Variants in STPG2 observed in about 807,000 individuals in gnomAD.
The protein encoded by STPG2 is sperm-tail PG-rich repeat-containing protein 2.
In STPG2, 56 loss-of-function variants were observed where a neutral mutation model predicts 54.2. That is an observed-to-expected ratio of 1.03 (90% CI 0.83 to 1.29). The LOEUF (loss-of-function observed/expected upper bound fraction) is 1.29, where lower values mean the gene tolerates loss of function less well. Ranked by LOEUF, STPG2 falls within the 50% of genes most tolerant of loss-of-function variation. The pLI is 0.00. For missense variants in STPG2, 596 were observed against 544.9 expected (o/e 1.09, Z -0.93); for synonymous variants, 200 against 181.8 (o/e 1.10, Z -0.81).
At chr4:98,003,707 G>T (rs1735484804) in intron 5 of STPG2, among the ~76,000 whole-genome samples, 1 of 151,976 alleles carries the variant, frequency 6.6e-6, no homozygotes, top group African/African-American at 2.4e-5. Context: ...TCAAATGGTT[G>T]TATCAATTAT....
chr4:97,797,873 T>C (rs1727252692), intron 9 of STPG2, among the ~76,000 whole-genome samples: 1 of 152,196 alleles, frequency 6.6e-6, no homozygotes, highest in African/African-American at 2.4e-5. Context: ...GAGCCTGTTA[T>C]TGGTCTATTA....
chr4:97,839,234 G>C (rs535137043), intron 9 of STPG2, among the ~76,000 whole-genome samples: 1 of 151,622 alleles, frequency 6.6e-6, no homozygotes, highest in African/African-American at 2.4e-5. Context: ...TTAATCTTTT[G>C]TATTCTCATG....
intron 8 of STPG2, 109 bp from the exon 9 acceptor site, chr4:97,841,041 T>C: frequency 1.0e-6 from 1 of 1,001,826 alleles, no homozygotes; most frequent in Non-Finnish European, 1.4e-6. Flanking sequence ...ATCCTAATAC[T>C]TTTATTAATT....
chr4:98,041,956 C>T (rs1736973278), intron 5 of STPG2, among the ~76,000 whole-genome samples: 1 of 151,984 alleles, frequency 6.6e-6, no homozygotes, highest in African/African-American at 2.4e-5. Flanking sequence ...ATGAATCCAT[C>T]TGGTCCTAGG....
Position 97,527,537 on chromosome 4 carries a change from G to A in STPG2, c.462+185162C>T, listed in dbSNP as rs544872096. On this transcript the variant is annotated intron_variant, in intron 4 of 4. Coordinates refer to the STPG2 transcript ENST00000522676. ...CAGTAATGGGATTGCTGGGTCAAAT[G>A]GTATTTCTGGTTCTAGATTCTTGAG... Among the ~76,000 whole-genome samples the A allele has an allele frequency of 5.5e-3, 834 of 152,202 alleles. 7 individuals carry two copies. The highest frequency in any genetic ancestry group is 0.02 in the Middle Eastern group (6 of 294).
chr4:98,064,925 G>T (rs1309146672), intron 5 of STPG2, among the ~76,000 whole-genome samples: 2 of 151,802 alleles, frequency 1.3e-5, no homozygotes, highest in African/African-American at 4.8e-5. Flanking sequence ...TTAGATACAG[G>T]GTCTCACTCT....
chr4:97,947,042 T>C (rs1372934214), intron 7 of STPG2, among the ~76,000 whole-genome samples: 1 of 152,212 alleles, frequency 6.6e-6, no homozygotes, highest in Non-Finnish European at 1.5e-5. Context: ...TGTGTTTCCA[T>C]TTGTTTGTGT....
At chr4:98,024,847 C>A (rs1270610627) in intron 5 of STPG2, among the ~76,000 whole-genome samples, 1 of 152,152 alleles carries the variant, frequency 6.6e-6, no homozygotes, top group African/African-American at 2.4e-5. Context: ...AAACCCAATA[C>A]TGTTTTTAAA....
At chr4:98,117,966 C>T (rs1229790976) in intron 3 of STPG2, among the ~76,000 whole-genome samples, 1 of 151,982 alleles carries the variant, frequency 6.6e-6, no homozygotes, top group Admixed American at 6.6e-5. Flanking sequence ...GTATATGGGC[C>T]ATTTTTTTAT....
At position 97,900,827 on chromosome 4, in the gene STPG2, G is replaced by T. The variant is rs561331344; in HGVS notation, c.1044+43070C>A. On this transcript the variant is annotated intron_variant, in intron 8 of 10. Transcript: ENST00000295268. ...CAGAAAAGATAACTGTTGGGTATTG[G>T]ACTTAATGCCTGGGTAACGAAATAA... Among the ~76,000 whole-genome samples, 3 of 152,066 alleles carry T rather than the reference G, an allele frequency of 2.0e-5. 1 individual carries two copies. In the East Asian group the frequency reaches 5.8e-4, roughly 29 times the overall value.
At chr4:97,481,046 T>C (rs141682452) in intron 4 of STPG2, among the ~76,000 whole-genome samples, 312 of 151,666 alleles carry the variant, frequency 2.1e-3, no homozygotes, top group African/African-American at 7.4e-3. Flanking sequence ...CATTTATATC[T>C]CAGAGCTATT....
rs573154241 is a variant in STPG2, at chr4:97,684,999, T to G, written c.1320+27700A>C. ...CCAAAATTATATGCCATCAGGGAAT[T>G]GTAATTTTAAAACAATAATAAAATA... On this transcript the variant is annotated intron_variant, in intron 10 of 10. Coordinates refer to ENST00000295268, the MANE Select transcript of STPG2 (RefSeq NM_174952.3). 1.7e-3 allele frequency among the ~76,000 whole-genome samples: 255 copies of G among 152,150 alleles called. 4 individuals are homozygous for G. The highest frequency in any genetic ancestry group is 2.1e-4 in the Non-Finnish European group (14 of 67,926).
At chr4:97,673,374 T>A (rs1400766805) in intron 10 of STPG2, among the ~76,000 whole-genome samples, 1 of 152,210 alleles carries the variant, frequency 6.6e-6, no homozygotes, top group Non-Finnish European at 1.5e-5. Context: ...GTTTCAATTA[T>A]TACTGAAAAG....
intron 10 of STPG2, among the ~76,000 whole-genome samples, chr4:97,605,417 A>C (rs1733568808): frequency 6.6e-6 from 1 of 151,780 alleles, no homozygotes; most frequent in African/African-American, 2.4e-5. Context: ...AGGAAATATC[A>C]GAAGCCTAAA....
intron 5 of STPG2, among the ~76,000 whole-genome samples, chr4:98,090,714 T>C (rs933111941): frequency 6.6e-6 from 1 of 152,086 alleles, no homozygotes; most frequent in Admixed American, 6.5e-5. Flanking sequence ...CTTTTGTTTG[T>C]GTCATCTATT....
chr4:97,804,449 T>G (rs1004098072), intron 9 of STPG2, among the ~76,000 whole-genome samples: 1 of 152,104 alleles, frequency 6.6e-6, no homozygotes, highest in Non-Finnish European at 1.5e-5. Context: ...TTGAAACTTT[T>G]TTTTCTATTT....
At chr4:97,850,190 G>T (rs959903195) in intron 8 of STPG2, among the ~76,000 whole-genome samples, 18 of 138,860 alleles carry the variant, frequency 1.3e-4, no homozygotes, top group African/African-American at 4.9e-4. Flanking sequence ...CAAACACCGC[G>T]TATTCTCACT....
intron 8 of STPG2, among the ~76,000 whole-genome samples, chr4:97,908,246 C>CA (rs1290590687): frequency 6.6e-6 from 1 of 151,942 alleles, no homozygotes; most frequent in Non-Finnish European, 1.5e-5. Flanking sequence ...TTTATGCAGC[C>CA]AAAAAACACA....
rs944108330 is a variant in STPG2, at chr4:97,529,977, C to A, written c.462+182722G>T. 2.0e-4 allele frequency among the ~76,000 whole-genome samples: 30 copies of A among 151,726 alleles called. 1 individual carries two copies. Among genetic ancestry groups the A allele is most frequent in the Admixed American group, 2.6e-4 (4 of 15,238 alleles). On this transcript the variant is annotated intron_variant, in intron 4 of 4. Transcript: ENST00000522676. ...TTGTTTACTTCTATTATTTATTTTT[C>A]TTTTTTCTTCCCCCTTCACTAGTAC...
Sources: gnomAD v4.1 joint callset for allele counts (sites outside exome capture counted in the v4.1 genomes callset) on GRCh38, gnomAD v4.1.1 for gene constraint, MANE v1.5 for transcripts, NCBI Gene and HGNC (gene_info 2026-07-23, HGNC 2026-07-21) for gene names.